CACNA1D: variants seen among roughly 807,000 people sequenced by gnomAD.
CACNA1D encodes the protein calcium voltage-gated channel subunit alpha1 D.
Under a neutral mutation model 257.1 loss-of-function variants are expected in CACNA1D, and 55 were observed. The observed-to-expected ratio is 0.21, with a 90% CI of 0.17 to 0.27. CACNA1D has a LOEUF of 0.27. Among genes scored for constraint, CACNA1D ranks in the 10% least tolerant of loss-of-function variants. The probability of loss-of-function intolerance (pLI) is 1.00; values close to 1 mark genes in which losing one functional copy is unlikely to be tolerated. For synonymous variants in CACNA1D, 980 were observed against 1,014.9 expected, an observed-to-expected ratio of 0.97 and a Z score of 0.65; for missense variants, 1,876 against 2,784.0, an observed-to-expected ratio of 0.67 and a Z score of 7.34.
intron 5 of CACNA1D, among the ~76,000 whole-genome samples, 181 bp downstream of exon 5, chr3:53,660,456 A>G (rs2094192404): frequency 6.6e-6 from 1 of 152,168 alleles, no homozygotes; most frequent in Non-Finnish European, 1.5e-5. Context: ...GATCCCCATG[A>G]CAGAATGACA....
chr3:53,702,688 A>G lies in CACNA1D; in HGVS notation c.1268A>G (p.Gln423Arg). 6.2e-7 allele frequency: 1 copy of G among 1,614,218 alleles called. No individual in the cohort carries two copies. The highest frequency in any genetic ancestry group is 8.5e-7 in the Non-Finnish European group (1 of 1,180,038). Residue 423 changes from glutamine (Q) to arginine (R), a missense_variant, in exon 9 of 48, where the codon CAG (glutamine) becomes CGG (arginine). Transcript: ENST00000350061. ...REKAKARGDF[Q>R]KLREKQQLEE... is the part of the protein sequence containing the mutation. ...AAGGCAAAAGCACGGGGAGATTTCC[A>G]GAAGCTCCGGGAGAAGCAGCAGCTG...
intron 3 of CACNA1D, among the ~76,000 whole-genome samples, chr3:53,612,579 C>T (rs1003936789): frequency 2.0e-5 from 3 of 152,198 alleles, no homozygotes; most frequent in Non-Finnish European, 4.4e-5. Context: ...GAGTTTTGTC[C>T]TCACATCTAT....
intron 3 of CACNA1D, among the ~76,000 whole-genome samples, chr3:53,517,122 A>G (rs745477456): frequency 6.6e-6 from 1 of 152,244 alleles, no homozygotes; most frequent in Non-Finnish European, 1.5e-5. Context: ...CTATATACAC[A>G]TGGGCGGCAT....
chr3:53,734,155 AG>A (rs1559593855), intron 19 of CACNA1D, among the ~76,000 whole-genome samples: 1 of 151,048 alleles, frequency 6.6e-6, no homozygotes, highest in Non-Finnish European at 1.5e-5. Flanking sequence ...TCAGGTCCTC[AG>A]GGGGGTACGC....
intron 5 of CACNA1D, among the ~76,000 whole-genome samples, chr3:53,661,358 T>G (rs964225580): frequency 6.6e-6 from 1 of 152,208 alleles, no homozygotes; most frequent in Non-Finnish European, 1.5e-5. Flanking sequence ...AATTTAACAT[T>G]TTAAAATGTA....
chr3:53,671,050 C>T (rs28374683), intron 7 of CACNA1D, among the ~76,000 whole-genome samples: 257 of 152,300 alleles, frequency 1.7e-3, no homozygotes, highest in African/African-American at 5.8e-3. Context: ...CCAGCCTTCC[C>T]CTCCAGGCCT....
chr3:53,563,348 A>G (rs185094470), intron 3 of CACNA1D, among the ~76,000 whole-genome samples: 132 of 151,908 alleles, frequency 8.7e-4, no homozygotes, highest in Non-Finnish European at 7.2e-4. Context: ...ACATGATGAA[A>G]CCCCATCTCT....
At chr3:53,733,607 C>G (rs1267400187) in intron 19 of CACNA1D, among the ~76,000 whole-genome samples, 1 of 152,132 alleles carries the variant, frequency 6.6e-6, no homozygotes, top group Non-Finnish European at 1.5e-5. Flanking sequence ...CTCACAAGTA[C>G]TATAAGAGGA....
At chr3:53,691,741 A>G (rs1262640556) in intron 8 of CACNA1D, among the ~76,000 whole-genome samples, 1 of 55,940 alleles carries the variant, frequency 1.8e-5, no homozygotes, top group Non-Finnish European at 3.5e-5. Context: ...TATATATATT[A>G]CATATATAAT....
chr3:53,693,644 CT>C (rs1280529873), intron 8 of CACNA1D, among the ~76,000 whole-genome samples: 1 of 152,134 alleles, frequency 6.6e-6, no homozygotes, highest in Non-Finnish European at 1.5e-5. Context: ...CTGGACTCCC[CT>C]GATAAAAATC....
At chr3:53,746,219 T>C (rs1211261482) in intron 25 of CACNA1D, among the ~76,000 whole-genome samples, 2 of 152,150 alleles carry the variant, frequency 1.3e-5, no homozygotes, top group Non-Finnish European at 2.9e-5. Flanking sequence ...GAAATAACAA[T>C]TATGAAATGC....
intron 5 of CACNA1D, among the ~76,000 whole-genome samples, chr3:53,661,175 G>A (rs1370185291): frequency 1.3e-5 from 2 of 152,210 alleles, no homozygotes; most frequent in Non-Finnish European, 2.9e-5. Flanking sequence ...GAGGGCTGGT[G>A]CGTCTGAGCA....
intron 33 of CACNA1D, chr3:53,773,507 C>G (rs2109020445): frequency 6.5e-6 from 1 of 154,918 alleles, no homozygotes; most frequent in South Asian, 2.0e-4. Flanking sequence ...AGAATGGAGG[C>G]AGTCGAAGAG....
chr3:53,714,127 T>A (rs2094793083), intron 9 of CACNA1D, among the ~76,000 whole-genome samples: 1 of 152,216 alleles, frequency 6.6e-6, no homozygotes, highest in Admixed American at 6.5e-5. Flanking sequence ...AAAAATAAAC[T>A]TCTCTAACAA....
rs187858932 is a variant in CACNA1D at position 53,615,212 on chromosome 3, C to T, written c.484-35567C>T. Among the ~76,000 whole-genome samples the T allele has an allele frequency of 3.2e-3, 485 of 152,306 alleles. 4 individuals are homozygous for T. The highest frequency in any genetic ancestry group is 0.011 in the African/African-American group (458 of 41,560). ...CAGGCTTCTTCACCTGGTAGAGGGA[C>T]CCAAACCTTCCTTCCTCAGGGGTTC... is the stretch of plus-strand genomic sequence containing the variant. On this transcript the variant is annotated intron_variant, in intron 3 of 47. Coordinates refer to ENST00000350061, the MANE Select transcript of CACNA1D (RefSeq NM_001128840.3).
chr3:53,542,915 G>T (rs2092329714), intron 3 of CACNA1D, among the ~76,000 whole-genome samples: 1 of 151,994 alleles, frequency 6.6e-6, no homozygotes, highest in Non-Finnish European at 1.5e-5. Context: ...AGCTGGGCGT[G>T]GTGGCGCATG....
intron 45 of CACNA1D, chr3:53,807,796 A>G (rs1355004258): frequency 2.6e-5 from 4 of 152,234 alleles, no homozygotes; most frequent in Non-Finnish European, 5.9e-5. Flanking sequence ...TGTTAGCAGG[A>G]CAAGCATTTT....
intron 9 of CACNA1D, among the ~76,000 whole-genome samples, chr3:53,711,642 CTG>C (rs935390870): frequency 6.6e-6 from 1 of 152,216 alleles, no homozygotes; most frequent in Non-Finnish European, 1.5e-5. Flanking sequence ...AGGGGACACA[CTG>C]TACTCTTTTC....
intron 3 of CACNA1D, among the ~76,000 whole-genome samples, chr3:53,542,734 C>A (rs1468931944): frequency 6.6e-6 from 1 of 152,066 alleles, no homozygotes; most frequent in Non-Finnish European, 1.5e-5. Context: ...CCACTAAATA[C>A]AAATCAGTGC....
Sources: allele counts gnomAD v4.1 joint callset (sites outside exome capture counted in the v4.1 genomes callset), GRCh38; gene constraint gnomAD v4.1.1; transcripts MANE v1.5; gene names NCBI Gene and HGNC (gene_info 2026-07-23, HGNC 2026-07-21).